The following IGF1R variants were observed in gnomAD, a reference collection of about 807,000 sequenced individuals.
IGF1R encodes the protein insulin-like growth factor 1 receptor.
Under a neutral mutation model 144.6 loss-of-function variants are expected in IGF1R, and 44 were observed. The observed-to-expected ratio is 0.30, with a 90% confidence interval of 0.24 to 0.39. IGF1R has a LOEUF of 0.39. Ranked by LOEUF, IGF1R falls within the 10% of genes least tolerant of loss-of-function variation. IGF1R has a pLI of 1.00. For missense variants in IGF1R, 1,355 were observed against 1,833.7 expected (o/e 0.74, Z 4.77); for synonymous variants, 795 against 722.8 (o/e 1.10, Z -1.60).
chr15:98,782,185 A>G (rs1018250675), intron 2 of IGF1R, among the ~76,000 whole-genome samples: 6 of 152,266 alleles, frequency 3.9e-5, no homozygotes, highest in African/African-American at 1.2e-4. Context: ...TGAGTCCCTA[A>G]TCTAGACACT....
At chr15:98,766,974 G>A (rs1354253795) in intron 2 of IGF1R, among the ~76,000 whole-genome samples, 1 of 152,128 alleles carries the variant, frequency 6.6e-6, no homozygotes, top group East Asian at 1.9e-4. Context: ...TCAGCGTAGG[G>A]ACCAGGCTCG....
Position 98,828,993 on chromosome 15 carries a change from C to T in IGF1R, c.641-62332C>T, listed in dbSNP as rs140992591. 2.8e-3 allele frequency among the ~76,000 whole-genome samples: 424 copies of T among 152,174 alleles called. 5 individuals carry two copies. The highest frequency in any genetic ancestry group is 9.4e-3 in the Admixed American group (143 of 15,284). ...CTCCGAAGCACTCAGTTACAACTGT[C>T]GGTCTAATTGCACATTATTCTAATT... On this transcript the variant is annotated intron_variant, in intron 2 of 20. Coordinates refer to ENST00000650285, the MANE Select transcript of IGF1R (RefSeq NM_000875.5).
intron 2 of IGF1R, among the ~76,000 whole-genome samples, chr15:98,889,825 A>C (rs115706261): frequency 6.6e-6 from 1 of 152,210 alleles, no homozygotes; most frequent in Non-Finnish European, 1.5e-5. Flanking sequence ...AAATTCTAGA[A>C]TCTCCACTCA....
At chr15:98,847,271 C>T (rs989764768) in intron 2 of IGF1R, among the ~76,000 whole-genome samples, 7 of 152,160 alleles carry the variant, frequency 4.6e-5, no homozygotes, top group African/African-American at 1.4e-4. Flanking sequence ...CCACCTTGCC[C>T]GGCTACCGGA....
chr15:98,894,045 T>A (rs1037744258), intron 3 of IGF1R, among the ~76,000 whole-genome samples: 1 of 152,236 alleles, frequency 6.6e-6, no homozygotes, highest in African/African-American at 2.4e-5. Context: ...CTCCTAGACT[T>A]TTTACCAAAG....
rs570237813 is a variant in IGF1R, at chr15:98,959,675, A to G, written c.*2233A>G. 4 of 233,710 alleles carry G rather than the reference A, an allele frequency of 1.7e-5. No individual in the cohort carries two copies. The highest frequency in any genetic ancestry group is 5.6e-5 in the Admixed American group (1 of 17,810). The allele number at this position is 233,710 out of a possible 1,614,324, so 14.5% of individuals were successfully genotyped here. On this transcript the variant is annotated 3_prime_UTR_variant, in exon 21 of 21. Coordinates refer to ENST00000650285, the MANE Select transcript of IGF1R (RefSeq NM_000875.5). Reference sequence around the variant, plus strand: ...TTTAGCACTTCTCACCAGAGAGATGACAGCACAAGAGTTGCTTCTGGGATA... The same window carrying G: ...TTTAGCACTTCTCACCAGAGAGATGGCAGCACAAGAGTTGCTTCTGGGATA...
chr15:98,837,197 T>G (rs1238988756), intron 2 of IGF1R, among the ~76,000 whole-genome samples: 1 of 152,188 alleles, frequency 6.6e-6, no homozygotes, highest in East Asian at 1.9e-4. Flanking sequence ...GTTTCCCAAG[T>G]AGCTAGTGTG....
chr15:98,816,635 TC>T (rs1197923899), intron 2 of IGF1R, among the ~76,000 whole-genome samples: 1 of 152,216 alleles, frequency 6.6e-6, no homozygotes, highest in Non-Finnish European at 1.5e-5. Context: ...ACTGGGGACT[TC>T]CCTTGTGCCT....
At position 98,958,918 on chromosome 15, in the gene IGF1R, C is replaced by T. The variant is rs2017117796; in HGVS notation, c.*1476C>T. Reference sequence around the variant, plus strand: ...GCCTTTTTATAAATACATCCCCCATCCCTGCTCCCACCTGCCCCTTTAGTT... The same window carrying T: ...GCCTTTTTATAAATACATCCCCCATTCCTGCTCCCACCTGCCCCTTTAGTT... On this transcript the variant is annotated 3_prime_UTR_variant, in exon 21 of 21. Coordinates refer to ENST00000650285, the MANE Select transcript of IGF1R (RefSeq NM_000875.5). 1 of 233,404 alleles carries T rather than the reference C, an allele frequency of 4.3e-6. No individual in the cohort carries two copies. Among genetic ancestry groups the T allele is most frequent in the Non-Finnish European group, 8.5e-6 (1 of 118,030 alleles). 14.5% of individuals were successfully genotyped at this position (233,404 alleles called of 1,614,324 possible).
rs762978810 is a variant in IGF1R at position 98,960,081 on chromosome 15, A to C, written c.*2639A>C. 8.6e-6 allele frequency: 2 copies of C among 233,154 alleles called. No individual in the cohort carries two copies. 14.4% of individuals were successfully genotyped at this position (233,154 alleles called of 1,614,324 possible). ...TTTATCTACCTCACTCTTATTTTTT[A>C]TATGTGTATATAGACAAAAGAATAC... is the stretch of plus-strand genomic sequence containing the variant. On this transcript the variant is annotated 3_prime_UTR_variant, in exon 21 of 21. Coordinates refer to ENST00000650285, the MANE Select transcript of IGF1R (RefSeq NM_000875.5).
In IGF1R at chr15:98,917,583, T is replaced by G. The variant is rs146723905; in HGVS notation, c.2201+707T>G. On this transcript the variant is annotated intron_variant, in intron 10 of 20. Coordinates refer to ENST00000650285, the MANE Select transcript of IGF1R (RefSeq NM_000875.5). Reference sequence around the variant, plus strand: ...ATAGTAGCCAAATCTGGAAACCCAGTGTACATCAACAGGTGAGTGGCTCAA... The same window carrying G: ...ATAGTAGCCAAATCTGGAAACCCAGGGTACATCAACAGGTGAGTGGCTCAA... Among the ~76,000 whole-genome samples the G allele has an allele frequency of 8.6e-3, 1,311 of 152,322 alleles. 20 individuals carry two copies. The highest frequency in any genetic ancestry group is 0.024 in the African/African-American group (1,003 of 41,564).
chr15:98,680,664 A>G (rs961537118), intron 1 of IGF1R, among the ~76,000 whole-genome samples: 5 of 151,958 alleles, frequency 3.3e-5, no homozygotes, highest in African/African-American at 1.2e-4. Flanking sequence ...TCCTGGGCTC[A>G]ACTGATTCTG....
chr15:98,955,530 G>T (rs1043903122), intron 20 of IGF1R, among the ~76,000 whole-genome samples: 1 of 152,226 alleles, frequency 6.6e-6, no homozygotes, highest in Admixed American at 6.5e-5. Flanking sequence ...ATGTAGAGGC[G>T]GGCAGCCCCG....
At chr15:98,853,842 T>G (rs1044010710) in intron 2 of IGF1R, among the ~76,000 whole-genome samples, 1 of 152,086 alleles carries the variant, frequency 6.6e-6, no homozygotes, top group Non-Finnish European at 1.5e-5. Context: ...GAAGGTGCAT[T>G]GCAAATAGAA....
intron 2 of IGF1R, among the ~76,000 whole-genome samples, chr15:98,782,135 T>C (rs2055875053): frequency 6.6e-6 from 1 of 152,202 alleles, no homozygotes; most frequent in Non-Finnish European, 1.5e-5. Context: ...CAAATAACTT[T>C]CCTGTTAATA....
At chr15:98,909,582 A>C (rs910719752) in intron 6 of IGF1R, among the ~76,000 whole-genome samples, 2 of 152,142 alleles carry the variant, frequency 1.3e-5, no homozygotes, top group Non-Finnish European at 2.9e-5. Flanking sequence ...GGGAAGAGCC[A>C]GTGTGCTTCA....
intron 2 of IGF1R, among the ~76,000 whole-genome samples, chr15:98,833,344 AC>A (rs938489593): frequency 5.3e-5 from 8 of 151,834 alleles, no homozygotes; most frequent in African/African-American, 1.9e-4. Context: ...ATTGACCTGG[AC>A]CCCCTGGTTT....
intron 2 of IGF1R, among the ~76,000 whole-genome samples, chr15:98,801,623 G>GGAC (rs539420704): frequency 6.7e-4 from 102 of 152,334 alleles, no homozygotes; most frequent in Non-Finnish European, 1.2e-3. Context: ...TCCCCAAATT[G>GGAC]GACAGCCTGG....
At chr15:98,795,050 G>A (rs1206808822) in intron 2 of IGF1R, among the ~76,000 whole-genome samples, 2 of 152,178 alleles carry the variant, frequency 1.3e-5, no homozygotes, top group Non-Finnish European at 2.9e-5. Context: ...ATCAGCTCAA[G>A]GAAGAAGCCA....
Sources: gnomAD v4.1 joint callset for allele counts (sites outside exome capture counted in the v4.1 genomes callset) on GRCh38, gnomAD v4.1.1 for gene constraint, MANE v1.5 for transcripts, NCBI Gene and HGNC (gene_info 2026-07-23, HGNC 2026-07-21) for gene names.